Variants in CPED1 observed in about 807,000 individuals in gnomAD.
CPED1 encodes cadherin like and PC-esterase domain containing 1, also known as cadherin-like and PC-esterase domain-containing protein 1.
CPED1 carries 114 observed loss-of-function variants against 128.2 expected under a neutral mutation model. The observed-to-expected ratio is 0.89, with a 90% confidence interval of 0.76 to 1.04. The LOEUF (loss-of-function observed/expected upper bound fraction) is 1.04. CPED1 is among the 50% of genes least tolerant of loss of function. The pLI is 0.00. For missense variants in CPED1, 1,211 were observed against 1,207.1 expected (o/e 1.00, Z -0.05); for synonymous variants, 462 against 426.7 (o/e 1.08, Z -1.02).
chr7:121,240,737 T>C, intron 17 of CPED1, among the ~76,000 whole-genome samples: 1 of 134,078 alleles, frequency 7.5e-6, no homozygotes, highest in Admixed American at 8.2e-5. Context: ...GTTATTTAAC[T>C]CTTTGGGCCT....
At chr7:121,128,280 T>C in intron 10 of CPED1, 102 bp from the exon 11 acceptor site, 1 of 683,560 alleles carries the variant, frequency 1.5e-6, no homozygotes, top group African/African-American at 1.8e-5. Context: ...CAGTTGTTTA[T>C]AGAACTCAAA....
chr7:121,237,014 A>C (rs1283273660), intron 17 of CPED1, among the ~76,000 whole-genome samples, 183 bp downstream of exon 17: 1 of 152,152 alleles, frequency 6.6e-6, no homozygotes, highest in Non-Finnish European at 1.5e-5. Context: ...TTGATTAATC[A>C]ATTATTTTCT....
chr7:121,233,093 G>T (rs767587029), intron 16 of CPED1, among the ~76,000 whole-genome samples: 1 of 151,998 alleles, frequency 6.6e-6, no homozygotes, highest in Non-Finnish European at 1.5e-5. Flanking sequence ...TAATGATTCC[G>T]GTTAGTTACT....
intron 7 of CPED1, among the ~76,000 whole-genome samples, chr7:121,116,453 C>A (rs1428283180): frequency 6.6e-6 from 1 of 152,076 alleles, no homozygotes; most frequent in South Asian, 2.1e-4. Flanking sequence ...TTGATCTAGG[C>A]AATTTGATTT....
chr7:121,037,287 C>T lies in CPED1; in HGVS notation c.434-9600C>T, dbSNP rs183117442. Among the ~76,000 whole-genome samples, 96 of 152,198 alleles carry T rather than the reference C, an allele frequency of 6.3e-4. 2 individuals carry two copies. In the East Asian group the frequency reaches 0.018, roughly 28 times the overall value. On this transcript the variant is annotated intron_variant, in intron 3 of 22. Coordinates refer to ENST00000310396, the MANE Select transcript of CPED1 (RefSeq NM_024913.5). Reference sequence around the variant, plus strand: ...ATGGTTTTGTGTCTTAAATTTAAGTCTTTGATTCATCTTGAGTTGATTTTT... The same window carrying T: ...ATGGTTTTGTGTCTTAAATTTAAGTTTTTGATTCATCTTGAGTTGATTTTT...
chr7:121,119,982 G>C (rs1450081981), intron 7 of CPED1, among the ~76,000 whole-genome samples: 1 of 152,164 alleles, frequency 6.6e-6, no homozygotes, highest in African/African-American at 2.4e-5. Context: ...TGTAGCATGT[G>C]TCACAATTTC....
chr7:121,078,143 C>T (rs1190246940), intron 5 of CPED1, among the ~76,000 whole-genome samples: 2 of 152,030 alleles, frequency 1.3e-5, no homozygotes, highest in Admixed American at 6.6e-5. Flanking sequence ...CTCCTGAGTT[C>T]ACGTGATTCT....
rs752778964 is a variant in CPED1, at chr7:121,031,684, A to G, written c.434-15203A>G. The stretch of plus-strand genomic sequence containing the variant: ...TGTCTTCAGTATTAGACATTATCAC[A>G]TGTCTTCAGTATTGGATATTTATCT... On this transcript the variant is annotated intron_variant, in intron 3 of 22. Transcript: ENST00000310396. Among the ~76,000 whole-genome samples the G allele has an allele frequency of 7.2e-5, 11 of 152,354 alleles. 1 individual carries two copies. In the South Asian group the frequency reaches 8.3e-4, roughly 11 times the overall value.
At position 121,166,675 on chromosome 7, in the gene CPED1, T is replaced by C. The variant is rs561327601; in HGVS notation, c.2055+24534T>C. Among the ~76,000 whole-genome samples, 263 of 152,316 alleles carry C rather than the reference T, an allele frequency of 1.7e-3. 1 individual carries two copies. The highest frequency in any genetic ancestry group is 5.9e-3 in the African/African-American group (244 of 41,558). On this transcript the variant is annotated intron_variant, in intron 16 of 22. Coordinates refer to ENST00000310396, the MANE Select transcript of CPED1 (RefSeq NM_024913.5). ...AGAATTTTAAGAGGTAAAATTATTT[T>C]GGTTCTTCTTCTTTTTGGAGTAATG...
intron 20 of CPED1, 58 bp from the exon 21 acceptor site, chr7:121,267,157 A>G: frequency 1.1e-6 from 1 of 945,720 alleles, no homozygotes; most frequent in Non-Finnish European, 1.7e-6. Flanking sequence ...TATAAACAAC[A>G]AACATCTAGA....
At chr7:121,173,078 G>C (rs1472002906) in intron 16 of CPED1, among the ~76,000 whole-genome samples, 2 of 152,074 alleles carry the variant, frequency 1.3e-5, no homozygotes, top group African/African-American at 4.8e-5. Context: ...CAGGGGGTTG[G>C]TATCTTATCA....
intron 16 of CPED1, among the ~76,000 whole-genome samples, chr7:121,196,492 G>T (rs575670304): frequency 2.0e-5 from 3 of 152,208 alleles, no homozygotes; most frequent in African/African-American, 7.2e-5. Flanking sequence ...TTAGAGCTTA[G>T]TTAGAGACCA....
At chr7:121,266,864 G>A in intron 20 of CPED1, 56 bp downstream of exon 20, 1 of 1,211,686 alleles carries the variant, frequency 8.3e-7, no homozygotes, top group African/African-American at 1.5e-5. Context: ...AAGTTACTAT[G>A]GATGTGACTG....
At chr7:121,226,226 A>G (rs551697160) in intron 16 of CPED1, among the ~76,000 whole-genome samples, 122 of 152,130 alleles carry the variant, frequency 8.0e-4, no homozygotes, top group Non-Finnish European at 1.5e-3. Flanking sequence ...CTTTTCTTCT[A>G]ACAATCAGGT....
intron 3 of CPED1, among the ~76,000 whole-genome samples, chr7:121,044,872 C>T (rs923051661): frequency 3.3e-5 from 5 of 152,026 alleles, no homozygotes; most frequent in African/African-American, 1.2e-4. Flanking sequence ...ATAAAACTTA[C>T]TCTGAGACCA....
At chr7:121,047,603 C>T (rs1793231026) in intron 4 of CPED1, among the ~76,000 whole-genome samples, 2 of 151,500 alleles carry the variant, frequency 1.3e-5, no homozygotes, top group African/African-American at 4.9e-5. Flanking sequence ...GTATTGTACC[C>T]AGATCACTTG....
At chr7:121,094,318 TAG>T (rs1794646815) in intron 5 of CPED1, among the ~76,000 whole-genome samples, 1 of 152,178 alleles carries the variant, frequency 6.6e-6, no homozygotes. Flanking sequence ...TATTAATTAT[TAG>T]TTGTAAGGCA....
chr7:121,174,213 C>T (rs1464184217), intron 16 of CPED1, among the ~76,000 whole-genome samples: 4 of 152,150 alleles, frequency 2.6e-5, no homozygotes, highest in Non-Finnish European at 5.9e-5. Context: ...AGTGCAGAAG[C>T]TCTTAAATTT....
Position 121,182,948 on chromosome 7 carries a change from A to G in CPED1, c.2055+40807A>G, listed in dbSNP as rs1242954160. Among the ~76,000 whole-genome samples, 3 of 151,816 alleles carry G rather than the reference A, an allele frequency of 2.0e-5. No homozygotes were observed. The East Asian group carries it at 5.8e-4, about 29-fold the overall frequency. On this transcript the variant is annotated intron_variant, in intron 16 of 22. Transcript: ENST00000310396. ...CCTTTATGCTAGCATTTTTTTCTTC[A>G]AAAACTTATTCCTATTTATTATCCT...
Sources: gnomAD v4.1 joint callset for allele counts (sites outside exome capture counted in the v4.1 genomes callset) on GRCh38, gnomAD v4.1.1 for gene constraint, MANE v1.5 for transcripts, NCBI Gene and HGNC (gene_info 2026-07-23, HGNC 2026-07-21) for gene names.